Variants in HCN1 observed in about 807,000 individuals in gnomAD.
HCN1 encodes the protein potassium/sodium hyperpolarization-activated cyclic nucleotide-gated channel 1.
Under a neutral mutation model 78.9 loss-of-function variants are expected in HCN1, and 13 were observed. That is an observed-to-expected ratio of 0.16 (90% CI 0.11 to 0.26). The LOEUF is 0.26. Ranked by LOEUF, HCN1 falls within the 10% of genes least tolerant of loss-of-function variation. The pLI is 1.00. For missense variants in HCN1, 810 were observed against 1,154.3 expected, an observed-to-expected ratio of 0.70 and a Z score of 4.32; for synonymous variants, 552 against 455.5, an observed-to-expected ratio of 1.21 and a Z score of -2.70.
At chr5:45,380,405 G>C (rs1008566611) in intron 4 of HCN1, among the ~76,000 whole-genome samples, 2 of 152,054 alleles carry the variant, frequency 1.3e-5, no homozygotes, top group Non-Finnish European at 2.9e-5. Flanking sequence ...CATTCAAACA[G>C]TAGCACCATT....
chr5:45,691,609 G>A lies in HCN1; in HGVS notation c.425+4060C>T, dbSNP rs1739914790. Among the ~76,000 whole-genome samples, 2 of 152,158 alleles carry A rather than the reference G, an allele frequency of 1.3e-5. 1 individual carries two copies. Among genetic ancestry groups the A allele is most frequent in the African/African-American group, 4.8e-5 (2 of 41,446 alleles). ...AATTCTTATGGTTAATTTTGGCTAT[G>A]TTGATATGAAAAGCAAATAAAATAA... On this transcript the variant is annotated intron_variant, in intron 1 of 7. Transcript: ENST00000303230.
At chr5:45,337,090 C>T (rs1171131113) in intron 5 of HCN1, among the ~76,000 whole-genome samples, 1 of 151,986 alleles carries the variant, frequency 6.6e-6, no homozygotes, top group Non-Finnish European at 1.5e-5. Flanking sequence ...ATTGATTAGA[C>T]AGAACATTTG....
chr5:45,670,710 GA>G (rs906266868), intron 1 of HCN1, among the ~76,000 whole-genome samples: 84 of 151,614 alleles, frequency 5.5e-4, no homozygotes, highest in African/African-American at 1.7e-3. Flanking sequence ...TGTCTACTGG[GA>G]AAAAAGTCGT....
At chr5:45,595,196 T>C (rs1031201512) in intron 2 of HCN1, among the ~76,000 whole-genome samples, 4 of 152,244 alleles carry the variant, frequency 2.6e-5, no homozygotes, top group Non-Finnish European at 5.9e-5. Context: ...ACATCTAAGC[T>C]GTCAAGACCA....
chr5:45,574,520 C>T (rs1281244649), intron 2 of HCN1: 1 of 152,012 alleles, frequency 6.6e-6, no homozygotes, highest in Non-Finnish European at 1.5e-5. Flanking sequence ...ACTCCTTATT[C>T]CCTGAGACAC....
At chr5:45,582,704 T>C (rs1034380796) in intron 2 of HCN1, among the ~76,000 whole-genome samples, 1 of 152,210 alleles carries the variant, frequency 6.6e-6, no homozygotes, top group African/African-American at 2.4e-5. Flanking sequence ...CATCAATACC[T>C]AATTTATTGA....
rs879344308 is a variant in HCN1 at position 45,524,218 on chromosome 5, A to G, written c.850-62211T>C. 8.5e-4 allele frequency among the ~76,000 whole-genome samples: 129 copies of G among 152,106 alleles called. 1 individual carries two copies. Among genetic ancestry groups the G allele is most frequent in the Non-Finnish European group, 1.5e-3 (101 of 68,016 alleles). On this transcript the variant is annotated intron_variant, in intron 2 of 7. Transcript: ENST00000303230. The stretch of plus-strand genomic sequence containing the variant: ...GGGCTCTGTTCTGTTCCATTGATCT[A>G]TATCTCTGTTTTGCTACCAGTACTA...
intron 2 of HCN1, among the ~76,000 whole-genome samples, chr5:45,581,007 T>A (rs910020879): frequency 6.6e-6 from 1 of 152,200 alleles, no homozygotes; most frequent in Non-Finnish European, 1.5e-5. Context: ...TACGTGTGCA[T>A]GTGTCTTTAT....
chr5:45,290,706 A>G (rs1745355280), intron 6 of HCN1, among the ~76,000 whole-genome samples: 1 of 152,088 alleles, frequency 6.6e-6, no homozygotes, highest in Non-Finnish European at 1.5e-5. Context: ...TGTGTTAGTC[A>G]TGATGCTGAG....
chr5:45,334,656 G>A (rs917096860), intron 5 of HCN1, among the ~76,000 whole-genome samples: 11 of 151,894 alleles, frequency 7.2e-5, no homozygotes, highest in African/African-American at 2.7e-4. Flanking sequence ...CACACATTAA[G>A]CAATCAATAA....
chr5:45,455,834 A>G (rs1741018844), intron 3 of HCN1, among the ~76,000 whole-genome samples: 1 of 151,672 alleles, frequency 6.6e-6, no homozygotes, highest in Admixed American at 6.6e-5. Context: ...TAAGTGAAAT[A>G]TACTGCTATT....
chr5:45,429,067 A>G (rs1290795290), intron 3 of HCN1, among the ~76,000 whole-genome samples: 2 of 152,180 alleles, frequency 1.3e-5, no homozygotes, highest in African/African-American at 2.4e-5. Context: ...TAGCCCTCAA[A>G]ATAACCTTTA....
intron 4 of HCN1, among the ~76,000 whole-genome samples, chr5:45,374,483 A>G (rs1458748604): frequency 1.3e-5 from 2 of 149,766 alleles, no homozygotes; most frequent in Non-Finnish European, 3.0e-5. Flanking sequence ...ACCAATAATG[A>G]GTTTCAAAAT....
At chr5:45,649,100 T>C (rs1745628332) in intron 1 of HCN1, among the ~76,000 whole-genome samples, 1 of 151,900 alleles carries the variant, frequency 6.6e-6, no homozygotes, top group African/African-American at 2.4e-5. Flanking sequence ...TGGGTACACA[T>C]ACAGGAGATA....
At chr5:45,504,073 C>A (rs1742243129) in intron 2 of HCN1, among the ~76,000 whole-genome samples, 1 of 152,044 alleles carries the variant, frequency 6.6e-6, no homozygotes, top group South Asian at 2.1e-4. Flanking sequence ...GCATGAGCCA[C>A]CATGCCAGGA....
intron 2 of HCN1, among the ~76,000 whole-genome samples, chr5:45,481,002 G>T (rs772224586): frequency 1.3e-5 from 2 of 152,128 alleles, no homozygotes; most frequent in African/African-American, 2.4e-5. Flanking sequence ...AGAATGTAAG[G>T]CTTAGAGTTT....
At chr5:45,482,469 A>G (rs1741674203) in intron 2 of HCN1, among the ~76,000 whole-genome samples, 1 of 152,232 alleles carries the variant, frequency 6.6e-6, no homozygotes, top group Admixed American at 6.5e-5. Context: ...AATGAAAGAA[A>G]GAAAAATAGC....
chr5:45,273,189 G>T (rs964934256), intron 6 of HCN1, among the ~76,000 whole-genome samples: 2 of 151,782 alleles, frequency 1.3e-5, no homozygotes, highest in Non-Finnish European at 3.0e-5. Context: ...TTTATGAATG[G>T]CTAAGTAGTT....
At chr5:45,603,013 T>C (rs1299422172) in intron 2 of HCN1, among the ~76,000 whole-genome samples, 1 of 152,118 alleles carries the variant, frequency 6.6e-6, no homozygotes, top group Non-Finnish European at 1.5e-5. Context: ...TACAGTAAAG[T>C]ATGAAATTTT....
Sources: allele counts gnomAD v4.1 joint callset (sites outside exome capture counted in the v4.1 genomes callset), GRCh38; gene constraint gnomAD v4.1.1; transcripts MANE v1.5; gene names NCBI Gene and HGNC (gene_info 2026-07-23, HGNC 2026-07-21).